ZNF131: variants seen among roughly 807,000 people sequenced by gnomAD.
The protein encoded by ZNF131 is zinc finger and BTB domain containing 35.
Under a neutral mutation model 60.0 loss-of-function variants are expected in ZNF131, and 7 were observed. That is an observed-to-expected ratio of 0.12 (90% CI 0.07 to 0.22). The LOEUF (loss-of-function observed/expected upper bound fraction) is 0.22, where lower values mean the gene tolerates loss of function less well. Among genes scored for constraint, ZNF131 ranks in the 10% least tolerant of loss-of-function variants. ZNF131 has a pLI of 1.00. For missense variants in ZNF131, 493 were observed against 740.9 expected, an observed-to-expected ratio of 0.67 and a Z score of 3.88; for synonymous variants, 257 against 253.2, an observed-to-expected ratio of 1.01 and a Z score of -0.14.
In ZNF131 at chr5:43,173,453, G is replaced by T. The variant is rs1170247060; in HGVS notation, c.1185+5G>T. The T allele has an allele frequency of 6.2e-7, 1 of 1,612,180 alleles. No individual in the cohort carries two copies. Among genetic ancestry groups the T allele is most frequent in the Non-Finnish European group, 8.5e-7 (1 of 1,178,846 alleles). ...AAGAAGCTCTACGAATGCCAGGTAT[G>T]TGCAGATACATACATTCAGTTCTTA... On this transcript the variant is annotated splice_donor_5th_base_variant and intron_variant, in intron 6 of 6. Coordinates refer to ENST00000682664, the MANE Select transcript of ZNF131 (RefSeq NM_001330707.2).
At chr5:43,141,910 A>G (rs1420345592) in intron 4 of ZNF131, among the ~76,000 whole-genome samples, 2 of 152,216 alleles carry the variant, frequency 1.3e-5, no homozygotes, top group East Asian at 3.8e-4. Context: ...AGAGGAAGAC[A>G]GTAGTATTAT....
chr5:43,150,406 A>G (rs140731216), intron 4 of ZNF131, among the ~76,000 whole-genome samples: 4 of 152,256 alleles, frequency 2.6e-5, no homozygotes, highest in African/African-American at 4.8e-5. Context: ...GTCTTGTTCC[A>G]TATCCTTGTT....
chr5:43,172,210 A>G (rs2112115053), intron 5 of ZNF131, among the ~76,000 whole-genome samples: 1 of 152,156 alleles, frequency 6.6e-6, no homozygotes, highest in South Asian at 2.1e-4. Context: ...CATTTCCTTC[A>G]CTAGCCCATC....
chr5:43,129,972 A>G (rs1312656267), intron 3 of ZNF131, among the ~76,000 whole-genome samples: 1 of 150,636 alleles, frequency 6.6e-6, no homozygotes, highest in African/African-American at 2.4e-5. Flanking sequence ...TCTGGTTTTA[A>G]GAGAAATGGG....
Position 43,121,503 on chromosome 5 carries a change from T to C in ZNF131, c.-16+380T>C, listed in dbSNP as rs2112072694. The C allele has an allele frequency of 1.3e-5, 2 of 152,478 alleles. 1 individual carries two copies. Among genetic ancestry groups the C allele is most frequent in the South Asian group, 4.1e-4 (2 of 4,912 alleles). The allele number at this position is 152,478 out of a possible 1,614,324, so 9.4% of individuals were successfully genotyped here. A position where few individuals can be genotyped will look rare whatever the true frequency, so the allele number is the denominator to read the frequency against. ...GGAAGGCGTCCGCGTCAGCCGGAGC[T>C]CGACGCGGTGACGGTGTGCGTCGAC... On this transcript the variant is annotated intron_variant, in intron 1 of 6. Coordinates refer to ENST00000682664, the MANE Select transcript of ZNF131 (RefSeq NM_001330707.2).
chr5:43,148,893 C>T (rs1747948648), intron 4 of ZNF131, among the ~76,000 whole-genome samples: 1 of 152,164 alleles, frequency 6.6e-6, no homozygotes, highest in African/African-American at 2.4e-5. Context: ...GTAATCCATT[C>T]CTCTCTCCCT....
At chr5:43,142,569 G>A (rs1429136106) in intron 4 of ZNF131, among the ~76,000 whole-genome samples, 1 of 151,928 alleles carries the variant, frequency 6.6e-6, no homozygotes, top group Non-Finnish European at 1.5e-5. Flanking sequence ...CTCCCAAAGT[G>A]CTGGGATTAT....
rs547902392 is a variant in ZNF131, at chr5:43,160,370, C to T, written c.372-879C>T. 4.2e-4 allele frequency among the ~76,000 whole-genome samples: 63 copies of T among 150,952 alleles called. 1 individual carries two copies. Among genetic ancestry groups the T allele is most frequent in the Admixed American group, 1.2e-3 (18 of 15,110 alleles). On this transcript the variant is annotated intron_variant, in intron 4 of 6. Coordinates refer to ENST00000682664, the MANE Select transcript of ZNF131 (RefSeq NM_001330707.2). ...ATAAAATTAGCTGAGTGTGATGGCA[C>T]GCATCTATAGTCCCAGCTGCTTGAG...
intron 5 of ZNF131, among the ~76,000 whole-genome samples, chr5:43,162,601 AAAAAG>A (rs1210189306): frequency 8.2e-5 from 11 of 134,468 alleles, no homozygotes; most frequent in Non-Finnish European, 1.8e-4. Context: ...TAAAAAAAAA[AAAAAG>A]AAAAGAAAAA....
chr5:43,128,018 A>G (rs545420341), intron 3 of ZNF131, among the ~76,000 whole-genome samples: 4 of 152,272 alleles, frequency 2.6e-5, no homozygotes, highest in African/African-American at 7.2e-5. Context: ...GGAGTTTTCC[A>G]CCAGTTGCAG....
intron 5 of ZNF131, among the ~76,000 whole-genome samples, chr5:43,163,967 C>T (rs1304921990): frequency 1.3e-5 from 2 of 152,070 alleles, no homozygotes; most frequent in Non-Finnish European, 2.9e-5. Context: ...TGTCAGTATT[C>T]GAGGACTGAG....
In ZNF131 at chr5:43,165,745, C is replaced by T. The variant is rs545286754; in HGVS notation, c.1054+3814C>T. Among the ~76,000 whole-genome samples the T allele has an allele frequency of 5.9e-5, 9 of 152,326 alleles. No individual in the cohort carries two copies. The South Asian group carries it at 1.9e-3, about 32-fold the overall frequency. ...GGCTTTAACTTAAAGTCACCAGCTG[C>T]ATTAGCTCCCAACAAGAAAGTTATC... On this transcript the variant is annotated intron_variant, in intron 5 of 6. Transcript: ENST00000682664.
At chr5:43,123,579 T>C in intron 3 of ZNF131, 1 of 292,474 alleles carries the variant, frequency 3.4e-6, no homozygotes, top group South Asian at 6.9e-5. Context: ...TCTTTTCCAT[T>C]GTGGAAACTG....
chr5:43,147,657 G>A (rs1479772924), intron 4 of ZNF131, among the ~76,000 whole-genome samples: 3 of 150,990 alleles, frequency 2.0e-5, no homozygotes, highest in African/African-American at 7.3e-5. Context: ...TCCTGACCTC[G>A]TGATCCACCT....
At chr5:43,141,331 A>G (rs67190423) in intron 4 of ZNF131, among the ~76,000 whole-genome samples, 14,764 of 152,162 alleles carry the variant, frequency 0.097, 848 homozygotes, top group East Asian at 0.19. Flanking sequence ...TCTCTTCTCA[A>G]AAAGATTAAA....
At chr5:43,134,286 C>G (rs1340960953) in intron 3 of ZNF131, among the ~76,000 whole-genome samples, 1 of 152,066 alleles carries the variant, frequency 6.6e-6, no homozygotes, top group Non-Finnish European at 1.5e-5. Flanking sequence ...GTGAGTATCT[C>G]AATAGATGAA....
chr5:43,173,297 A>G, intron 5 of ZNF131, 21 bp from the exon 6 acceptor site: 1 of 1,511,300 alleles, frequency 6.6e-7, no homozygotes, highest in East Asian at 2.3e-5. Flanking sequence ...TTGCCAACGT[A>G]TCTTTTTTCC....
chr5:43,152,395 A>G (rs1748433500), intron 4 of ZNF131, among the ~76,000 whole-genome samples: 1 of 152,090 alleles, frequency 6.6e-6, no homozygotes, highest in African/African-American at 2.4e-5. Flanking sequence ...TGAGAATGGT[A>G]GTGGAGCATG....
intron 5 of ZNF131, among the ~76,000 whole-genome samples, chr5:43,163,522 G>A (rs901195081): frequency 2.6e-5 from 4 of 152,244 alleles, no homozygotes; most frequent in South Asian, 2.1e-4. Context: ...TATTCCAGTC[G>A]TCTCCCTGTC....
Sources: allele counts gnomAD v4.1 joint callset (sites outside exome capture counted in the v4.1 genomes callset), GRCh38; gene constraint gnomAD v4.1.1; transcripts MANE v1.5; gene names NCBI Gene and HGNC (gene_info 2026-07-23, HGNC 2026-07-21).